Variants in SV2B observed in about 807,000 individuals in gnomAD.
SV2B encodes the protein solute carrier family 22 member B2.
In SV2B, 41 loss-of-function variants were observed where a neutral mutation model predicts 73.9. The observed-to-expected ratio is 0.56, with a 90% confidence interval of 0.43 to 0.72. The LOEUF is 0.72. SV2B is among the 30% of genes least tolerant of loss of function. The pLI, the probability that SV2B is intolerant of heterozygous loss-of-function variation, is 0.00. For synonymous variants in SV2B, 314 were observed against 314.2 expected (o/e 1.00, Z 0.01); for missense variants, 764 against 857.8 (o/e 0.89, Z 1.37).
rs2042970512 is a variant in SV2B, at chr15:91,140,612, A to C, written c.-392+40249A>C. On this transcript the variant is annotated intron_variant, in intron 1 of 12. Transcript: ENST00000394232. This position sits in a 1 kb window ranked among gnomAD's most constrained non-coding sequence, Gnocchi z 4.4. ...GAGTAGCCCATTGCTCTCCTCTTTG[A>C]TCTCCTCCAACAGAGTGGAGAACAT... Among the ~76,000 whole-genome samples the C allele has an allele frequency of 6.6e-6, 1 of 152,092 alleles. No individual in the cohort carries two copies. The highest frequency in any genetic ancestry group is 2.4e-5 in the African/African-American group (1 of 41,414).
At chr15:91,126,372 T>TA (rs1447467966) in intron 1 of SV2B, among the ~76,000 whole-genome samples, 1 of 152,224 alleles carries the variant, frequency 6.6e-6, no homozygotes, top group African/African-American at 2.4e-5. Context: ...GATTCTGTCT[T>TA]ACAGGTAGAG....
At position 91,220,929 on chromosome 15, in the gene SV2B, T is replaced by C. The variant is rs749991597; in HGVS notation, c.-391-4944T>C. On this transcript the variant is annotated intron_variant, in intron 1 of 12. Coordinates refer to ENST00000394232, the MANE Select transcript of SV2B (RefSeq NM_001323032.3). The surrounding 1 kb of genome is among the most constrained non-coding windows in gnomAD (Gnocchi z 4.1). ...CCCAGGCTGGAGGGCAGTGACATGA[T>C]CTTGGCTCACTGCAACCTCCGCCTC... 2.0e-5 allele frequency among the ~76,000 whole-genome samples: 3 copies of C among 152,186 alleles called. No homozygotes were observed. The highest frequency in any genetic ancestry group is 4.4e-5 in the Non-Finnish European group (3 of 68,030).
chr15:91,168,686 C>A (rs1010096136), intron 1 of SV2B, among the ~76,000 whole-genome samples: 2 of 152,154 alleles, frequency 1.3e-5, no homozygotes, highest in South Asian at 4.2e-4. Context: ...CCAGGAAACT[C>A]ACTGCTGTAT....
At chr15:91,210,891 C>T (rs991340326) in intron 1 of SV2B, among the ~76,000 whole-genome samples, 1 of 152,170 alleles carries the variant, frequency 6.6e-6, no homozygotes, top group Non-Finnish European at 1.5e-5. Flanking sequence ...CTGGACTGTA[C>T]GGGACATGAG....
At chr15:91,160,768 G>A (rs998587335) in intron 1 of SV2B, among the ~76,000 whole-genome samples, 7 of 152,088 alleles carry the variant, frequency 4.6e-5, no homozygotes, top group African/African-American at 1.7e-4. Flanking sequence ...AATCAGTGGA[G>A]TTACTGTTAT....
At chr15:91,178,611 T>C (rs1355932995) in intron 1 of SV2B, among the ~76,000 whole-genome samples, 1 of 152,148 alleles carries the variant, frequency 6.6e-6, no homozygotes, top group African/African-American at 2.4e-5. Flanking sequence ...TCTTCCTGAT[T>C]TAGTCTTGGG....
chr15:91,116,425 T>C (rs2042180240), intron 1 of SV2B, among the ~76,000 whole-genome samples: 1 of 152,222 alleles, frequency 6.6e-6, no homozygotes, highest in African/African-American at 2.4e-5. Context: ...TGTGTAATAA[T>C]TTTTGAGAGC....
intron 1 of SV2B, among the ~76,000 whole-genome samples, chr15:91,221,402 T>C (rs1269712542): frequency 6.6e-6 from 1 of 152,062 alleles, no homozygotes; most frequent in African/African-American, 2.4e-5. Flanking sequence ...AAGACCAGAG[T>C]CACTGTTGTA....
At chr15:91,170,416 T>C (rs1457496644) in intron 1 of SV2B, among the ~76,000 whole-genome samples, 2 of 152,124 alleles carry the variant, frequency 1.3e-5, no homozygotes, top group South Asian at 2.1e-4. Flanking sequence ...GCCTCCCGAG[T>C]AGCTGGAACT....
chr15:91,150,394 T>C (rs1278456844), intron 1 of SV2B, among the ~76,000 whole-genome samples: 1 of 152,236 alleles, frequency 6.6e-6, no homozygotes, highest in Admixed American at 6.5e-5. Flanking sequence ...TCAAGTCAGC[T>C]CATGCTGGGC....
chr15:91,223,499 G>A lies in SV2B; in HGVS notation c.-391-2374G>A, dbSNP rs2046280908. On this transcript the variant is annotated intron_variant, in intron 1 of 12. Coordinates refer to ENST00000394232, the MANE Select transcript of SV2B (RefSeq NM_001323032.3). The surrounding 1 kb of genome is among the most constrained non-coding windows in gnomAD (Gnocchi z 4.6). Reference sequence around the variant, plus strand: ...AAGCAGCTCCCAGAACCTTTGCCCTGGGTGGTGAGTCCCACAAGTGCTTTT... The same window carrying A: ...AAGCAGCTCCCAGAACCTTTGCCCTAGGTGGTGAGTCCCACAAGTGCTTTT... Among the ~76,000 whole-genome samples, 1 of 152,080 alleles carries A rather than the reference G, an allele frequency of 6.6e-6. No homozygotes were observed.
chr15:91,176,460 C>T (rs1382005573), intron 1 of SV2B, among the ~76,000 whole-genome samples: 15 of 152,022 alleles, frequency 9.9e-5, no homozygotes, highest in African/African-American at 1.7e-4. Flanking sequence ...CCTGAGGAAT[C>T]GCCACACTGA....
rs1056597648 is a variant in SV2B, at chr15:91,140,920, A to G, written c.-392+40557A>G. ...TTTCTTATGGCCACAGGCAGCAAAG[A>G]GAAACCACACAGCCTCAGATGAACA... On this transcript the variant is annotated intron_variant, in intron 1 of 12. Transcript: ENST00000394232. The surrounding 1 kb of genome is among the most constrained non-coding windows in gnomAD (Gnocchi z 4.4). Among the ~76,000 whole-genome samples, 12 of 152,076 alleles carry G rather than the reference A, an allele frequency of 7.9e-5. No individual in the cohort carries two copies. Among genetic ancestry groups the G allele is most frequent in the South Asian group, 2.1e-4 (1 of 4,812 alleles).
chr15:91,162,759 G>C (rs75535921), intron 1 of SV2B, among the ~76,000 whole-genome samples: 3,487 of 152,248 alleles, frequency 0.023, 58 homozygotes, highest in Middle Eastern at 0.078. Context: ...ACTAGGGACT[G>C]CTTTTTTTGT....
intron 1 of SV2B, among the ~76,000 whole-genome samples, chr15:91,190,007 A>G (rs774212979): frequency 2.3e-4 from 35 of 152,300 alleles, no homozygotes; most frequent in Admixed American, 4.6e-4. Context: ...GAAAGAAAGA[A>G]AGAAAGAAAA....
At chr15:91,275,468 A>G (rs1049158085) in intron 9 of SV2B, among the ~76,000 whole-genome samples, 1 of 152,192 alleles carries the variant, frequency 6.6e-6, no homozygotes, top group Non-Finnish European at 1.5e-5. Context: ...TGCTATAAAC[A>G]CGTGATATAT....
rs73520037 is a variant in SV2B, at chr15:91,258,134, A to G, written c.785-287A>G. ...TCCGAGGCTCTGTAAATGTCAGGCC[A>G]GGCCTGGACCTGGGGATTTGTCAGA... On this transcript the variant is annotated intron_variant, in intron 4 of 12. Coordinates refer to ENST00000394232, the MANE Select transcript of SV2B (RefSeq NM_001323032.3). This position sits in a 1 kb window ranked among gnomAD's most constrained non-coding sequence, Gnocchi z 4.7. Among the ~76,000 whole-genome samples, 1,045 of 152,356 alleles carry G rather than the reference A, an allele frequency of 6.9e-3. 11 individuals are homozygous for G. Among genetic ancestry groups the G allele is most frequent in the African/African-American group, 0.024 (1,003 of 41,582 alleles).
intron 1 of SV2B, among the ~76,000 whole-genome samples, chr15:91,215,241 A>C (rs1469563447): frequency 6.6e-6 from 1 of 152,180 alleles, no homozygotes. Flanking sequence ...TTGGCCTTGC[A>C]CTTGAATCAC....
At chr15:91,158,703 C>CTCTTCTCTTCTCTT (rs1567300692) in intron 1 of SV2B, among the ~76,000 whole-genome samples, 5 of 40,274 alleles carry the variant, frequency 1.2e-4, no homozygotes, top group Non-Finnish European at 2.1e-4. Context: ...TCTCTTCTCT[C>CTCTTCTCTTCTCTT]CTCTCCTCTC....
Sources: allele counts gnomAD v4.1 joint callset (sites outside exome capture counted in the v4.1 genomes callset), GRCh38; gene constraint gnomAD v4.1.1; non-coding constraint Gnocchi (gnomAD v3.1); transcripts MANE v1.5; gene names NCBI Gene and HGNC (gene_info 2026-07-23, HGNC 2026-07-21).